Variants in RBFOX1 observed in about 807,000 individuals in gnomAD.
RBFOX1 encodes RNA binding fox-1 homolog 1.
Under a neutral mutation model 57.7 loss-of-function variants are expected in RBFOX1, and 8 were observed. The ratio of observed to expected loss-of-function variants is 0.14; its 90% CI spans 0.08 to 0.25. The LOEUF is 0.25. Ranked by LOEUF, RBFOX1 falls within the 10% of genes least tolerant of loss-of-function variation. The pLI, the probability that RBFOX1 is intolerant of heterozygous loss-of-function variation, is 1.00. For missense variants in RBFOX1, 611 were observed against 548.5 expected (o/e 1.11, Z -1.14); for synonymous variants, 326 against 222.4 (o/e 1.47, Z -4.15).
At chr16:6,856,921 AAG>A (rs1236550554) in intron 3 of RBFOX1, among the ~76,000 whole-genome samples, 1 of 152,138 alleles carries the variant, frequency 6.6e-6, no homozygotes, top group African/African-American at 2.4e-5. Flanking sequence ...AAGAAAGAGA[AAG>A]AGAAGGAAAG....
intron 3 of RBFOX1, among the ~76,000 whole-genome samples, chr16:6,699,349 G>T (rs1027849616): frequency 2.0e-4 from 30 of 150,352 alleles, no homozygotes; most frequent in African/African-American, 7.1e-4. Flanking sequence ...CTAAAATAAG[G>T]TTCTCTGTAA....
intron 4 of RBFOX1, among the ~76,000 whole-genome samples, chr16:5,897,756 C>G (rs1204820814): frequency 6.6e-6 from 1 of 152,010 alleles, no homozygotes. Flanking sequence ...GTTTTTTAGT[C>G]TGATCATAGC....
intron 3 of RBFOX1, among the ~76,000 whole-genome samples, chr16:6,700,751 A>G (rs149647077): frequency 1.7e-3 from 265 of 152,270 alleles, no homozygotes; most frequent in African/African-American, 5.9e-3. Context: ...TTGAAACTCA[A>G]AATTTCATTA....
intron 3 of RBFOX1, among the ~76,000 whole-genome samples, chr16:7,019,845 C>G (rs115117935): frequency 2.6e-4 from 39 of 152,312 alleles, no homozygotes; most frequent in Admixed American, 3.3e-4. Flanking sequence ...CTGTTCCACA[C>G]CTCCCAATCT....
chr16:6,855,566 T>C (rs66802838), intron 3 of RBFOX1, among the ~76,000 whole-genome samples: 86,907 of 150,316 alleles, frequency 0.58, 26,950 homozygotes, highest in African/African-American at 0.81. Flanking sequence ...GGCAGGAGAA[T>C]GGCGTGAACC....
chr16:6,656,726 CAT>C (rs1386084061), intron 3 of RBFOX1, among the ~76,000 whole-genome samples: 2 of 152,034 alleles, frequency 1.3e-5, no homozygotes, highest in Non-Finnish European at 2.9e-5. Flanking sequence ...AACTTGACCT[CAT>C]ATGACTGATA....
intron 2 of RBFOX1, among the ~76,000 whole-genome samples, chr16:5,582,501 C>G (rs1001288521): frequency 1.3e-5 from 2 of 151,294 alleles, no homozygotes; most frequent in African/African-American, 4.9e-5. Context: ...AGGTCAAAGC[C>G]AGAGCAGAGC....
intron 4 of RBFOX1, among the ~76,000 whole-genome samples, chr16:7,378,738 C>T (rs1471247043): frequency 3.9e-5 from 6 of 152,306 alleles, no homozygotes; most frequent in African/African-American, 1.4e-4. Context: ...CTTTCTGCTG[C>T]TTTTCTCAAT....
intron 3 of RBFOX1, among the ~76,000 whole-genome samples, chr16:7,041,663 A>G (rs892198747): frequency 3.3e-5 from 5 of 152,136 alleles, no homozygotes; most frequent in Non-Finnish European, 7.4e-5. Context: ...GATAATATCA[A>G]ACCTTTCGAA....
At chr16:7,260,498 C>G (rs931662538) in intron 4 of RBFOX1, among the ~76,000 whole-genome samples, 1 of 152,068 alleles carries the variant, frequency 6.6e-6, no homozygotes. Context: ...TATTGATGTA[C>G]TCTTTCCCCG....
intron 3 of RBFOX1, among the ~76,000 whole-genome samples, chr16:5,845,898 C>A (rs189961103): frequency 6.6e-6 from 1 of 152,058 alleles, no homozygotes; most frequent in Non-Finnish European, 1.5e-5. Context: ...AATGGCCTGG[C>A]GTGGTGGCTC....
At chr16:5,557,943 AAG>A (rs1201287123) in intron 2 of RBFOX1, among the ~76,000 whole-genome samples, 1 of 152,182 alleles carries the variant, frequency 6.6e-6, no homozygotes, top group Non-Finnish European at 1.5e-5. Context: ...GTGGCAGAGA[AAG>A]AGAGAAGAGT....
chr16:7,647,893 T>A lies in RBFOX1; in HGVS notation c.758-5922T>A, dbSNP rs556118306. Among the ~76,000 whole-genome samples the A allele has an allele frequency of 2.6e-5, 4 of 152,342 alleles. No individual in the cohort carries two copies. The South Asian group carries it at 6.2e-4, about 24-fold the overall frequency. On this transcript the variant is annotated intron_variant, in intron 11 of 15. Transcript: ENST00000550418. ...CTCACTCAACAAAATATAAGTGCCA[T>A]ACCTCAAAGTAAACATGTAAGAGGT...
intron 4 of RBFOX1, among the ~76,000 whole-genome samples, chr16:7,410,734 C>T (rs2098416269): frequency 6.6e-6 from 1 of 152,104 alleles, no homozygotes. Context: ...TAACCCCTAT[C>T]CTCCTCTCTT....
chr16:7,001,081 A>G (rs1180953222), intron 3 of RBFOX1, among the ~76,000 whole-genome samples: 1 of 152,160 alleles, frequency 6.6e-6, no homozygotes, highest in Middle Eastern at 3.2e-3. Flanking sequence ...GCTTACCCCA[A>G]GGTAGAGTTC....
Position 7,099,419 on chromosome 16 carries a change from G to A in RBFOX1, c.27+47321G>A, listed in dbSNP as rs149716182. Among the ~76,000 whole-genome samples the A allele has an allele frequency of 1.5e-3, 232 of 152,248 alleles. 1 individual carries two copies. Among genetic ancestry groups the A allele is most frequent in the African/African-American group, 5.4e-3 (225 of 41,542 alleles). On this transcript the variant is annotated intron_variant, in intron 4 of 15. Coordinates refer to ENST00000550418, the MANE Select transcript of RBFOX1 (RefSeq NM_018723.4). ...TGGGGCTAATACCAGAAGGGGAATGGGATGAAATAATAGAACCATATTTAG... is the reference window on the plus strand; with the variant it reads ...TGGGGCTAATACCAGAAGGGGAATGAGATGAAATAATAGAACCATATTTAG...
At chr16:5,980,862 C>T (rs1198515996) in intron 4 of RBFOX1, among the ~76,000 whole-genome samples, 1 of 152,152 alleles carries the variant, frequency 6.6e-6, no homozygotes, top group South Asian at 2.1e-4. Context: ...ACGCTGTCGT[C>T]CTGCCATTTC....
intron 2 of RBFOX1, among the ~76,000 whole-genome samples, chr16:6,380,104 G>C (rs1392818578): frequency 6.6e-6 from 1 of 152,244 alleles, no homozygotes; most frequent in Middle Eastern, 3.4e-3. Flanking sequence ...TCTCCTCTGA[G>C]GTAGGAGGCA....
intron 2 of RBFOX1, among the ~76,000 whole-genome samples, chr16:6,514,559 A>G (rs767169046): frequency 6.6e-6 from 1 of 152,164 alleles, no homozygotes; most frequent in African/African-American, 2.4e-5. Context: ...AGCAGTTGAA[A>G]GTGTAGGCAC....
Sources: gnomAD v4.1 joint callset for allele counts (sites outside exome capture counted in the v4.1 genomes callset) on GRCh38, gnomAD v4.1.1 for gene constraint, MANE v1.5 for transcripts, NCBI Gene and HGNC (gene_info 2026-07-23, HGNC 2026-07-21) for gene names.